Variants in KAZN observed in about 807,000 individuals in gnomAD.
The protein encoded by KAZN is kazrin, periplakin interacting protein, also known as kazrin.
A neutral mutation model predicts 87.4 loss-of-function variants in KAZN; 40 were observed. The observed-to-expected ratio is 0.46, with a 90% CI of 0.36 to 0.60. The LOEUF is 0.60. Among genes scored for constraint, KAZN ranks in the 20% least tolerant of loss-of-function variants. The pLI is 0.00. For synonymous variants in KAZN, 466 were observed against 458.3 expected, an observed-to-expected ratio of 1.02 and a Z score of -0.22; for missense variants, 898 against 1,073.9, an observed-to-expected ratio of 0.84 and a Z score of 2.29.
intron 2 of KAZN, among the ~76,000 whole-genome samples, chr1:14,499,951 C>T (rs912492178): frequency 2.6e-5 from 4 of 152,130 alleles, no homozygotes; most frequent in Admixed American, 1.3e-4. Flanking sequence ...GTTCAAGGCA[C>T]CTGATGTTTC....
chr1:14,916,449 A>T (rs1312242850), intron 1 of KAZN, among the ~76,000 whole-genome samples: 1 of 152,124 alleles, frequency 6.6e-6, no homozygotes, highest in Non-Finnish European at 1.5e-5. Context: ...AACTGCTGGG[A>T]TTACAGGCGT....
intron 2 of KAZN, among the ~76,000 whole-genome samples, chr1:14,545,504 A>C (rs1030772476): frequency 1.3e-5 from 2 of 152,162 alleles, no homozygotes; most frequent in East Asian, 3.9e-4. Flanking sequence ...GAGGATAATT[A>C]TAGTGTCCTT....
At chr1:14,830,432 C>A (rs894455644) in intron 1 of KAZN, among the ~76,000 whole-genome samples, 1 of 152,132 alleles carries the variant, frequency 6.6e-6, no homozygotes, top group Non-Finnish European at 1.5e-5. Context: ...AGGTGCCCAG[C>A]CCTCAGGAGC....
intron 1 of KAZN, among the ~76,000 whole-genome samples, chr1:14,614,755 A>G (rs982462265): frequency 2.6e-5 from 4 of 152,230 alleles, no homozygotes; most frequent in Non-Finnish European, 5.9e-5. Flanking sequence ...AGAGACAGTA[A>G]TTTCTAGGAC....
At chr1:14,699,643 T>C (rs1434619229) in intron 1 of KAZN, among the ~76,000 whole-genome samples, 2 of 152,154 alleles carry the variant, frequency 1.3e-5, no homozygotes, top group African/African-American at 4.8e-5. Context: ...CTTGTTTACA[T>C]TGGGTAGTAG....
intron 2 of KAZN, among the ~76,000 whole-genome samples, chr1:14,332,237 T>C (rs1339596043): frequency 6.6e-6 from 1 of 152,214 alleles, no homozygotes; most frequent in Non-Finnish European, 1.5e-5. Flanking sequence ...CATTCTTCCA[T>C]CAGTGATGCT....
At chr1:14,621,698 A>G (rs1678707584) in intron 1 of KAZN, among the ~76,000 whole-genome samples, 1 of 152,164 alleles carries the variant, frequency 6.6e-6, no homozygotes, top group Admixed American at 6.5e-5. Context: ...GGTAGTGAAT[A>G]AGTCTCACAA....
At chr1:14,585,505 G>A (rs1336901414) in intron 2 of KAZN, among the ~76,000 whole-genome samples, 6 of 152,098 alleles carry the variant, frequency 3.9e-5, no homozygotes, top group East Asian at 3.9e-4. Context: ...TTCTTCCCAC[G>A]CAGGATCACA....
At chr1:14,583,949 A>G (rs906496917) in intron 2 of KAZN, among the ~76,000 whole-genome samples, 3 of 152,202 alleles carry the variant, frequency 2.0e-5, no homozygotes, top group African/African-American at 7.2e-5. Flanking sequence ...GTGTCTGATT[A>G]ATAGTCTGAA....
intron 2 of KAZN, among the ~76,000 whole-genome samples, chr1:14,490,094 T>C (rs1571777877): frequency 6.6e-6 from 1 of 152,200 alleles, no homozygotes; most frequent in South Asian, 2.1e-4. Flanking sequence ...GCATTCAGCA[T>C]CTTTTTGTGC....
At chr1:15,069,189 A>G (rs1453923074) in intron 8 of KAZN, among the ~76,000 whole-genome samples, 4 of 152,108 alleles carry the variant, frequency 2.6e-5, no homozygotes, top group African/African-American at 9.7e-5. Flanking sequence ...CCCTGGCCCC[A>G]TGCAGACATC....
intron 8 of KAZN, chr1:15,067,061 G>C: frequency 1.0e-6 from 1 of 985,764 alleles, no homozygotes; most frequent in Non-Finnish European, 1.2e-6. Context: ...CCTGGCCTGA[G>C]TCTGTTCTCC....
At position 15,094,758 on chromosome 1, in the gene KAZN, C is replaced by T; in HGVS notation, c.1429-57C>T. 1 of 1,349,400 alleles carries T rather than the reference C, an allele frequency of 7.4e-7. No individual in the cohort carries two copies. Among genetic ancestry groups the T allele is most frequent in the Non-Finnish European group, 1.0e-6 (1 of 971,952 alleles). The allele number at this position is 1,349,400 out of a possible 1,614,324, so 83.6% of individuals were successfully genotyped here. ...CCATGTCAACAGACCCCCTCTAGGGCAGGAACCCCGCCGGCAGCTGTCCCA... is the reference window on the plus strand; with the variant it reads ...CCATGTCAACAGACCCCCTCTAGGGTAGGAACCCCGCCGGCAGCTGTCCCA... On this transcript the variant is annotated intron_variant, in intron 9 of 14. Coordinates refer to ENST00000376030, the MANE Select transcript of KAZN (RefSeq NM_201628.3). The surrounding 1 kb of genome is among the most constrained non-coding windows in gnomAD (Gnocchi z 4.5).
intron 2 of KAZN, among the ~76,000 whole-genome samples, chr1:14,453,330 C>T (rs1667386291): frequency 6.6e-6 from 1 of 152,076 alleles, no homozygotes; most frequent in Non-Finnish European, 1.5e-5. Context: ...AAATGTGTCT[C>T]TATTATAAGA....
intron 2 of KAZN, among the ~76,000 whole-genome samples, chr1:14,522,534 T>C (rs1671640681): frequency 6.6e-6 from 1 of 152,210 alleles, no homozygotes; most frequent in Admixed American, 6.5e-5. Flanking sequence ...CAATTTGGTC[T>C]CTTGGATTAT....
At chr1:14,376,128 A>C (rs767329343) in intron 2 of KAZN, among the ~76,000 whole-genome samples, 2 of 152,150 alleles carry the variant, frequency 1.3e-5, no homozygotes, top group Non-Finnish European at 2.9e-5. Flanking sequence ...GAGAATACCA[A>C]CTGATTTCCC....
At chr1:14,365,155 C>T (rs770518624) in intron 2 of KAZN, among the ~76,000 whole-genome samples, 29 of 151,948 alleles carry the variant, frequency 1.9e-4, no homozygotes, top group Non-Finnish European at 2.4e-4. Context: ...GCCATTCTCC[C>T]GCCTCAGCCT....
At chr1:14,852,642 G>A (rs1649599590) in intron 1 of KAZN, among the ~76,000 whole-genome samples, 1 of 152,236 alleles carries the variant, frequency 6.6e-6, no homozygotes, top group African/African-American at 2.4e-5. Flanking sequence ...CACTTGCCCA[G>A]GGCCCATGCC....
intron 2 of KAZN, among the ~76,000 whole-genome samples, chr1:14,479,118 G>A (rs1319839330): frequency 6.6e-6 from 1 of 152,132 alleles, no homozygotes; most frequent in Non-Finnish European, 1.5e-5. Context: ...CGCCCCTGGT[G>A]GCATTAACAG....
Sources: gnomAD v4.1 joint callset for allele counts (sites outside exome capture counted in the v4.1 genomes callset) on GRCh38, gnomAD v4.1.1 for gene constraint, Gnocchi (gnomAD v3.1) non-coding constraint, MANE v1.5 for transcripts, NCBI Gene and HGNC (gene_info 2026-07-23, HGNC 2026-07-21) for gene names.